Variants in SLC4A4 observed in about 807,000 individuals in gnomAD.
SLC4A4 encodes the protein solute carrier family 4 member 4.
A neutral mutation model predicts 111.5 loss-of-function variants in SLC4A4; 27 were observed. The observed-to-expected ratio is 0.24, with a 90% confidence interval of 0.18 to 0.33. The LOEUF is 0.33. Among genes scored for constraint, SLC4A4 ranks in the 10% least tolerant of loss-of-function variants. The pLI is 1.00. For missense variants in SLC4A4, 909 were observed against 1,315.5 expected (o/e 0.69, Z 4.78); for synonymous variants, 443 against 463.4 (o/e 0.96, Z 0.57).
At chr4:71,083,946 C>T (rs1742068966) in intron 1 of SLC4A4, among the ~76,000 whole-genome samples, 1 of 151,790 alleles carries the variant, frequency 6.6e-6, no homozygotes, top group Admixed American at 6.6e-5. Context: ...GCAGACACTT[C>T]TATTTTGGTA....
At chr4:71,376,037 A>G (rs1014113297) in intron 6 of SLC4A4, among the ~76,000 whole-genome samples, 3 of 150,724 alleles carry the variant, frequency 2.0e-5, no homozygotes, top group African/African-American at 7.3e-5. Flanking sequence ...AACTACATAT[A>G]TATACATATA....
chr4:71,124,275 G>T (rs1277860496), intron 2 of SLC4A4, among the ~76,000 whole-genome samples: 1 of 150,402 alleles, frequency 6.6e-6, no homozygotes, highest in Non-Finnish European at 1.5e-5. Context: ...TGGTTCAAGC[G>T]ATTCTCCTGC....
chr4:71,321,064 C>T (rs557819038), intron 3 of SLC4A4, among the ~76,000 whole-genome samples: 25 of 152,058 alleles, frequency 1.6e-4, no homozygotes, highest in Non-Finnish European at 3.1e-4. Context: ...GAATTCTTTA[C>T]TTTTGTCAGT....
At chr4:71,179,393 T>G (rs1445999383) in intron 2 of SLC4A4, among the ~76,000 whole-genome samples, 1 of 152,150 alleles carries the variant, frequency 6.6e-6, no homozygotes, top group Non-Finnish European at 1.5e-5. Flanking sequence ...GGCATTCAAT[T>G]AGGAACAGAG....
At chr4:71,090,211 T>A (rs952746202) in intron 1 of SLC4A4, among the ~76,000 whole-genome samples, 11 of 150,882 alleles carry the variant, frequency 7.3e-5, no homozygotes, top group Non-Finnish European at 1.2e-4. Flanking sequence ...TGGGATATAA[T>A]CTCCTGGTGT....
At chr4:71,389,209 C>T (rs1049881515) in intron 6 of SLC4A4, among the ~76,000 whole-genome samples, 1 of 152,140 alleles carries the variant, frequency 6.6e-6, no homozygotes. Context: ...GATTTGACCT[C>T]TACACACTTT....
chr4:71,528,600 C>A (rs978102162), intron 16 of SLC4A4, among the ~76,000 whole-genome samples: 3 of 151,972 alleles, frequency 2.0e-5, no homozygotes, highest in African/African-American at 7.2e-5. Flanking sequence ...TATAGTAACT[C>A]TTCTGACAGG....
chr4:71,116,924 CAA>C (rs1167294886), intron 2 of SLC4A4, among the ~76,000 whole-genome samples: 2 of 143,532 alleles, frequency 1.4e-5, no homozygotes, highest in East Asian at 4.1e-4. Flanking sequence ...GCCTGGGCAA[CAA>C]GAGCGAAACT....
intron 2 of SLC4A4, among the ~76,000 whole-genome samples, chr4:71,237,721 T>C (rs1719907658): frequency 6.6e-6 from 1 of 152,308 alleles, no homozygotes; most frequent in South Asian, 2.1e-4. Flanking sequence ...GTGGCTATCA[T>C]GTTGTTTCTC....
intron 3 of SLC4A4, among the ~76,000 whole-genome samples, chr4:71,335,025 C>T (rs1018559094): frequency 2.0e-5 from 3 of 151,824 alleles, no homozygotes; most frequent in Admixed American, 6.6e-5. Flanking sequence ...CTATGGAGTA[C>T]GTATGGACAC....
At chr4:71,333,957 A>G in intron 3 of SLC4A4, among the ~76,000 whole-genome samples, 1 of 151,892 alleles carries the variant, frequency 6.6e-6, no homozygotes, top group East Asian at 1.9e-4. Context: ...GCTGTCTAAG[A>G]GCGAAGGCCT....
intron 14 of SLC4A4, among the ~76,000 whole-genome samples, chr4:71,483,947 A>G (rs554327441): frequency 4.0e-5 from 6 of 150,556 alleles, no homozygotes; most frequent in Non-Finnish European, 7.4e-5. Flanking sequence ...TTTTTTTCAT[A>G]TGATTATTGG....
chr4:71,394,222 A>G (rs932544330), intron 6 of SLC4A4, among the ~76,000 whole-genome samples: 33 of 152,216 alleles, frequency 2.2e-4, no homozygotes, highest in Non-Finnish European at 4.4e-5. Flanking sequence ...CAGACAACCC[A>G]CAGAGTGGGA....
At chr4:71,381,356 C>T (rs1718120026) in intron 6 of SLC4A4, among the ~76,000 whole-genome samples, 1 of 152,138 alleles carries the variant, frequency 6.6e-6, no homozygotes, top group African/African-American at 2.4e-5. Flanking sequence ...TAATTTTTGT[C>T]TGAGTTTCTA....
At chr4:71,121,037 C>T (rs759932154) in intron 2 of SLC4A4, among the ~76,000 whole-genome samples, 27 of 152,180 alleles carry the variant, frequency 1.8e-4, no homozygotes, top group African/African-American at 6.5e-4. Context: ...AGGCTGGCGC[C>T]GCCGGCCCAG....
intron 16 of SLC4A4, among the ~76,000 whole-genome samples, chr4:71,514,208 G>T (rs1732180427): frequency 6.6e-6 from 1 of 152,154 alleles, no homozygotes; most frequent in South Asian, 2.1e-4. Context: ...ACGTCAAATT[G>T]TAATCTCCAG....
chr4:71,418,891 T>A (rs923164751), intron 7 of SLC4A4, among the ~76,000 whole-genome samples: 1 of 152,202 alleles, frequency 6.6e-6, no homozygotes, highest in Non-Finnish European at 1.5e-5. Context: ...CCTTTCTCTT[T>A]GTTAGTTTTC....
chr4:71,146,554 A>C (rs1025039426), intron 2 of SLC4A4, among the ~76,000 whole-genome samples: 5 of 152,170 alleles, frequency 3.3e-5, no homozygotes, highest in African/African-American at 1.2e-4. Context: ...GGGGTGTTAA[A>C]GTCTCCCATT....
chr4:71,334,070 C>T (rs1444081144), intron 3 of SLC4A4, among the ~76,000 whole-genome samples: 7 of 152,090 alleles, frequency 4.6e-5, no homozygotes, highest in Non-Finnish European at 7.4e-5. Context: ...CCTCTCCTTT[C>T]ATCCAGCAGG....
Sources: gnomAD v4.1 joint callset for allele counts (sites outside exome capture counted in the v4.1 genomes callset) on GRCh38, gnomAD v4.1.1 for gene constraint, MANE v1.5 for transcripts, NCBI Gene and HGNC (gene_info 2026-07-23, HGNC 2026-07-21) for gene names.